Variants in MICU3 observed in about 807,000 individuals in gnomAD.
The protein encoded by MICU3 is calcium uptake protein 3, mitochondrial.
In MICU3, 62 loss-of-function variants were observed where a neutral mutation model predicts 66.5. The observed-to-expected ratio is 0.93, with a 90% CI of 0.76 to 1.15. The LOEUF (loss-of-function observed/expected upper bound fraction) is 1.15. Ranked by LOEUF, MICU3 falls within the 50% of genes most tolerant of loss-of-function variation. The pLI, the probability that MICU3 is intolerant of heterozygous loss-of-function variation, is 0.00. For missense variants in MICU3, 779 were observed against 664.4 expected, an observed-to-expected ratio of 1.17 and a Z score of -1.90; for synonymous variants, 308 against 240.7, an observed-to-expected ratio of 1.28 and a Z score of -2.59.
At chr8:17,069,060 AC>A (rs1225265926) in intron 2 of MICU3, among the ~76,000 whole-genome samples, 3 of 152,158 alleles carry the variant, frequency 2.0e-5, no homozygotes, top group Non-Finnish European at 4.4e-5. Flanking sequence ...AGGAGGAATC[AC>A]AAAAAGAAAG....
At chr8:17,027,802 C>A in intron 1 of MICU3, 142 bp downstream of exon 1, 2 of 1,083,688 alleles carry the variant, frequency 1.8e-6, no homozygotes. Context: ...GACACCTAGG[C>A]CGGACAGCCT....
the MICU3 span, among the ~76,000 whole-genome samples, chr8:17,136,232 C>G: frequency 6.6e-6 from 1 of 152,026 alleles, no homozygotes; most frequent in Admixed American, 6.6e-5. Flanking sequence ...GGACATTTCT[C>G]ATATATTTTT....
At chr8:17,044,019 A>G (rs1489026646) in intron 1 of MICU3, among the ~76,000 whole-genome samples, 2 of 152,232 alleles carry the variant, frequency 1.3e-5, no homozygotes, top group Non-Finnish European at 1.5e-5. Context: ...AGTCGTTTAT[A>G]AATATTCTAA....
intron 1 of MICU3, among the ~76,000 whole-genome samples, chr8:17,030,400 C>T (rs1466597284): frequency 2.0e-5 from 3 of 152,206 alleles, no homozygotes; most frequent in African/African-American, 4.8e-5. Context: ...ATCCAAATGT[C>T]AGTATTTTAC....
chr8:17,101,811 T>A (rs891999780), intron 9 of MICU3, among the ~76,000 whole-genome samples: 2 of 151,844 alleles, frequency 1.3e-5, no homozygotes, highest in Non-Finnish European at 2.9e-5. Context: ...GATGTAAAAA[T>A]CTTTTTTTCA....
intron 2 of MICU3, 57 bp downstream of exon 2, chr8:17,064,294 G>C (rs1818341090): frequency 7.3e-7 from 1 of 1,376,264 alleles, no homozygotes; most frequent in African/African-American, 1.5e-5. Context: ...TCTCTAGCTT[G>C]TGAATGGATG....
chr8:17,085,058 G>C (rs1333254262), intron 5 of MICU3, among the ~76,000 whole-genome samples, 178 bp from the exon 6 acceptor site: 1 of 152,008 alleles, frequency 6.6e-6, no homozygotes, highest in Non-Finnish European at 1.5e-5. Context: ...TACTTTTAAA[G>C]TATATTATCA....
At position 17,043,235 on chromosome 8, in the gene MICU3, G is replaced by A. The variant is rs1035916474; in HGVS notation, c.381+15575G>A. ...ATTACAGGCGTGAGCCACCGCGCCCGGCCTCAAAGTGATTTTTTTAACTGG... is the reference window on the plus strand; with the variant it reads ...ATTACAGGCGTGAGCCACCGCGCCCAGCCTCAAAGTGATTTTTTTAACTGG... On this transcript the variant is annotated intron_variant, in intron 1 of 14. Transcript: ENST00000318063. 5.3e-5 allele frequency among the ~76,000 whole-genome samples: 8 copies of A among 152,140 alleles called. No homozygotes were observed. In the South Asian group the frequency reaches 1.0e-3, roughly 20 times the overall value.
chr8:17,041,608 G>C (rs1814112185), intron 1 of MICU3, among the ~76,000 whole-genome samples: 1 of 151,658 alleles, frequency 6.6e-6, no homozygotes, highest in Admixed American at 6.6e-5. Context: ...TTTTTTTTAA[G>C]ATGGAAGACC....
chr8:17,035,623 T>C (rs1166815418), intron 1 of MICU3, among the ~76,000 whole-genome samples: 2 of 152,238 alleles, frequency 1.3e-5, no homozygotes, highest in African/African-American at 2.4e-5. Context: ...TAATTTTGGC[T>C]ATCTGTTGGA....
intron 3 of MICU3, 131 bp from the exon 4 acceptor site, chr8:17,077,647 GCATAA>G (rs1358807624): frequency 1.8e-6 from 1 of 559,108 alleles, no homozygotes; most frequent in Non-Finnish European, 3.2e-6. Flanking sequence ...TGAACCACAG[GCATAA>G]CATAGGATAA....
chr8:17,033,122 G>A (rs1812376560), intron 1 of MICU3, among the ~76,000 whole-genome samples: 1 of 152,144 alleles, frequency 6.6e-6, no homozygotes. Flanking sequence ...GCCTCTAAGT[G>A]TTCACGTGGA....
intron 1 of MICU3, chr8:17,049,650 C>G (rs1417821520): frequency 1.9e-6 from 1 of 517,734 alleles, no homozygotes; most frequent in South Asian, 1.4e-5. Flanking sequence ...CATATACTTT[C>G]ATTCCAATAT....
chr8:17,068,671 T>A (rs953823090), intron 2 of MICU3, among the ~76,000 whole-genome samples: 1 of 152,218 alleles, frequency 6.6e-6, no homozygotes, highest in Non-Finnish European at 1.5e-5. Flanking sequence ...AAGAAATCTA[T>A]CCTTAGAAAC....
At chr8:17,042,963 G>A (rs190503700) in intron 1 of MICU3, among the ~76,000 whole-genome samples, 4,959 of 99,914 alleles carry the variant, frequency 0.05, 134 homozygotes, top group Middle Eastern at 0.16. Flanking sequence ...TTTTTGAGAC[G>A]GAGTCTCACT....
intron 5 of MICU3, among the ~76,000 whole-genome samples, chr8:17,084,077 T>C (rs1198811190): frequency 1.3e-5 from 2 of 152,194 alleles, no homozygotes; most frequent in Non-Finnish European, 2.9e-5. Flanking sequence ...TGAATAATTA[T>C]GGGATATTGT....
chr8:17,085,365 A>C, intron 6 of MICU3, 47 bp downstream of exon 6: 1 of 1,259,650 alleles, frequency 7.9e-7, no homozygotes. Context: ...AATATTGCTT[A>C]CTTATATTTT....
At chr8:17,114,341 A>T (rs1013887817) in intron 12 of MICU3, 140 bp downstream of exon 12, 12 of 568,512 alleles carry the variant, frequency 2.1e-5, no homozygotes, top group Non-Finnish European at 3.7e-5. Context: ...GTGACAAGTC[A>T]GTTCTGGTAC....
At chr8:17,064,060 A>G (rs1818290590) in intron 1 of MICU3, 24 bp from the exon 2 acceptor site, 1 of 1,596,056 alleles carries the variant, frequency 6.3e-7, no homozygotes, top group African/African-American at 1.3e-5. Flanking sequence ...CATCATCCAA[A>G]TGTATTTGCT....
Sources: allele counts gnomAD v4.1 joint callset (sites outside exome capture counted in the v4.1 genomes callset), GRCh38; gene constraint gnomAD v4.1.1; transcripts MANE v1.5; gene names NCBI Gene and HGNC (gene_info 2026-07-23, HGNC 2026-07-21).